The following STK33 variants were observed in gnomAD, a reference collection of about 807,000 sequenced individuals.
STK33 encodes serine/threonine kinase 33.
A neutral mutation model predicts 58.0 loss-of-function variants in STK33; 52 were observed. The ratio of observed to expected loss-of-function variants is 0.90; its 90% CI spans 0.72 to 1.13. The LOEUF (loss-of-function observed/expected upper bound fraction) is 1.13. STK33 is among the 50% of genes most tolerant of loss of function. The pLI is 0.00. For synonymous variants in STK33, 215 were observed against 200.1 expected, an observed-to-expected ratio of 1.07 and a Z score of -0.63; for missense variants, 630 against 604.2, an observed-to-expected ratio of 1.04 and a Z score of -0.45.
intron 1 of STK33, among the ~76,000 whole-genome samples, chr11:8,499,856 T>C (rs956640936): frequency 4.7e-4 from 71 of 151,448 alleles, no homozygotes; most frequent in Non-Finnish European, 1.5e-4. Flanking sequence ...CACTCATAAG[T>C]GGGAGTTGAA....
At chr11:8,458,975 G>A (rs192946820) in intron 8 of STK33, among the ~76,000 whole-genome samples, 70 of 152,248 alleles carry the variant, frequency 4.6e-4, no homozygotes, top group Non-Finnish European at 7.5e-4. Context: ...AATTTCAAAA[G>A]TAACTGCAAA....
At chr11:8,409,540 G>A (rs1939849010) in intron 15 of STK33, among the ~76,000 whole-genome samples, 1 of 152,220 alleles carries the variant, frequency 6.6e-6, no homozygotes, top group East Asian at 1.9e-4. Context: ...ATTATTTACA[G>A]GAAAGGAATA....
At chr11:8,478,597 G>A (rs1333094897) in intron 2 of STK33, among the ~76,000 whole-genome samples, 1 of 152,066 alleles carries the variant, frequency 6.6e-6, no homozygotes, top group Non-Finnish European at 1.5e-5. Context: ...ATTTCCTCAA[G>A]AAAATGAACA....
At chr11:8,344,153 C>T in the STK33 span, among the ~76,000 whole-genome samples, 2 of 150,286 alleles carry the variant, frequency 1.3e-5, no homozygotes, top group East Asian at 3.9e-4. Flanking sequence ...GAGTTCAAGA[C>T]CAGCCTGGGC....
intron 1 of STK33, among the ~76,000 whole-genome samples, chr11:8,505,404 G>T (rs1263365612): frequency 6.6e-6 from 1 of 152,194 alleles, no homozygotes; most frequent in Non-Finnish European, 1.5e-5. Flanking sequence ...TTCTCGGACA[G>T]ATGTCAATTT....
intron 1 of STK33, among the ~76,000 whole-genome samples, chr11:8,538,752 C>T (rs1421760099): frequency 1.1e-4 from 17 of 152,160 alleles, no homozygotes; most frequent in Non-Finnish European, 5.9e-5. Context: ...TGAATGAACA[C>T]ACACACATAT....
At chr11:8,339,675 C>T in the STK33 span, among the ~76,000 whole-genome samples, 1 of 152,150 alleles carries the variant, frequency 6.6e-6, no homozygotes, top group East Asian at 1.9e-4. Context: ...CCCAGACGTT[C>T]TCTACAGCGG....
Position 8,591,777 on chromosome 11 carries a change from T to C in STK33, c.-466+2306A>G, listed in dbSNP as rs190789359. Among the ~76,000 whole-genome samples the C allele has an allele frequency of 5.2e-4, 78 of 150,748 alleles. 1 individual carries two copies. The East Asian group carries it at 0.012, about 23-fold the overall frequency. ...GCATATTCTCACTCATAGGTGGGAA[T>C]TGAAGAATGAGAACACATGGACACA... On this transcript the variant is annotated intron_variant, in intron 1 of 15. Transcript: ENST00000687296.
intron 13 of STK33, 64 bp downstream of exon 13, chr11:8,435,963 C>T: frequency 1.0e-6 from 1 of 968,684 alleles, no homozygotes; most frequent in Non-Finnish European, 1.4e-6. Context: ...ACATTTTAAC[C>T]ACAGGCCAAC....
chr11:8,566,061 T>C (rs1441744228), intron 1 of STK33: 3 of 152,222 alleles, frequency 2.0e-5, no homozygotes, highest in Non-Finnish European at 4.4e-5. Flanking sequence ...TATTTACATA[T>C]AAATAACATC....
At chr11:8,466,350 A>G (rs1948179474) in intron 6 of STK33, 1 of 152,254 alleles carries the variant, frequency 6.6e-6, no homozygotes, top group African/African-American at 2.4e-5. Flanking sequence ...ATGGGGGTAT[A>G]GGCATTGGGT....
intron 1 of STK33, among the ~76,000 whole-genome samples, chr11:8,506,243 TACTA>T (rs1309889218): frequency 6.6e-6 from 1 of 152,204 alleles, no homozygotes; most frequent in African/African-American, 2.4e-5. Context: ...AAGTTACCCT[TACTA>T]ACTTTGTCTT....
intron 1 of STK33, among the ~76,000 whole-genome samples, chr11:8,518,166 A>T (rs1410849807): frequency 6.6e-6 from 1 of 152,202 alleles, no homozygotes; most frequent in Non-Finnish European, 1.5e-5. Context: ...TACAAGCCAG[A>T]AGAGAGTGGG....
At chr11:8,524,359 T>C (rs1953842908) in intron 1 of STK33, among the ~76,000 whole-genome samples, 1 of 152,100 alleles carries the variant, frequency 6.6e-6, no homozygotes, top group South Asian at 2.1e-4. Context: ...AAAAAATATT[T>C]GCAGACCATA....
At chr11:8,345,332 C>T in the STK33 span, among the ~76,000 whole-genome samples, 1 of 152,218 alleles carries the variant, frequency 6.6e-6, no homozygotes, top group African/African-American at 2.4e-5. Context: ...AAAGGCCAGG[C>T]TCTCTTAGGC....
At chr11:8,448,522 A>G (rs1452670612) in intron 11 of STK33, among the ~76,000 whole-genome samples, 2 of 152,240 alleles carry the variant, frequency 1.3e-5, no homozygotes, top group Admixed American at 1.3e-4. Context: ...GACAAAAACA[A>G]GAAATGCGGA....
At chr11:8,534,364 C>A (rs1954795104) in intron 1 of STK33, among the ~76,000 whole-genome samples, 1 of 152,112 alleles carries the variant, frequency 6.6e-6, no homozygotes, top group Non-Finnish European at 1.5e-5. Flanking sequence ...CACAGCCTAA[C>A]CCACTCTACT....
intron 1 of STK33, among the ~76,000 whole-genome samples, chr11:8,570,544 C>A (rs1406848429): frequency 6.6e-6 from 1 of 152,106 alleles, no homozygotes; most frequent in Non-Finnish European, 1.5e-5. Context: ...ATGGATAAAT[C>A]GATGGTGGTA....
intron 1 of STK33, among the ~76,000 whole-genome samples, chr11:8,542,338 A>G (rs566885081): frequency 1.3e-5 from 2 of 152,346 alleles, no homozygotes; most frequent in African/African-American, 2.4e-5. Flanking sequence ...CACATGGAAC[A>G]TGTACAAATC....
Sources: allele counts gnomAD v4.1 joint callset (sites outside exome capture counted in the v4.1 genomes callset), GRCh38; gene constraint gnomAD v4.1.1; transcripts MANE v1.5; gene names NCBI Gene and HGNC (gene_info 2026-07-23, HGNC 2026-07-21).